The following LRRC37A2 variants were observed in gnomAD, a reference collection of about 807,000 sequenced individuals.
The protein encoded by LRRC37A2 is leucine rich repeat containing 37 member A2, also known as leucine-rich repeat-containing protein 37A2.
A neutral mutation model predicts 68.8 loss-of-function variants in LRRC37A2; 9 were observed. The ratio of observed to expected loss-of-function variants is 0.13; its 90% CI spans 0.08 to 0.23. LRRC37A2 has a LOEUF of 0.23. Among genes scored for constraint, LRRC37A2 ranks in the 10% least tolerant of loss-of-function variants. The pLI is 1.00. For synonymous variants in LRRC37A2, 63 were observed against 367.6 expected (o/e 0.17, Z 9.48); for missense variants, 168 against 950.4 (o/e 0.18, Z 10.82).
chr17:46,891,153 C>A, the LRRC37A2 span, among the ~76,000 whole-genome samples: 1 of 152,160 alleles, frequency 6.6e-6, no homozygotes, highest in Non-Finnish European at 1.5e-5. Context: ...GGGTCCAGAC[C>A]CTGAAATTCT....
the LRRC37A2 span, among the ~76,000 whole-genome samples, chr17:46,765,989 G>C: frequency 1.3e-5 from 2 of 152,216 alleles, no homozygotes; most frequent in Admixed American, 1.3e-4. Context: ...CAGAGAAGGG[G>C]TTCCGGGTAG....
At chr17:46,778,996 T>TC in the LRRC37A2 span, among the ~76,000 whole-genome samples, 1 of 149,930 alleles carries the variant, frequency 6.7e-6, no homozygotes, top group East Asian at 1.9e-4. Flanking sequence ...AGTCTCAGTC[T>TC]CCAAGAAGAG....
At chr17:46,858,799 T>A in the LRRC37A2 span, among the ~76,000 whole-genome samples, 1 of 152,156 alleles carries the variant, frequency 6.6e-6, no homozygotes, top group Admixed American at 6.6e-5. Context: ...CCTGAGTAGC[T>A]GGGGCCACAG....
At chr17:46,759,287 G>A in the LRRC37A2 span, among the ~76,000 whole-genome samples, 96,190 of 152,130 alleles carry the variant, frequency 0.63, 32,806 homozygotes, top group South Asian at 0.82. Flanking sequence ...GCAAAATGAT[G>A]TAGAGTTTCT....
At chr17:46,938,089 C>A in the LRRC37A2 span, 1 of 199,498 alleles carries the variant, frequency 5.0e-6, no homozygotes, top group Non-Finnish European at 1.0e-5. Context: ...TCTCGAAATC[C>A]TGGCCTCAAG....
At chr17:47,011,870 T>G in the LRRC37A2 span, among the ~76,000 whole-genome samples, 1 of 152,176 alleles carries the variant, frequency 6.6e-6, no homozygotes, top group Non-Finnish European at 1.5e-5. Flanking sequence ...GAATCACATC[T>G]TGGGGGCACA....
the LRRC37A2 span, among the ~76,000 whole-genome samples, chr17:46,708,332 TCTC>T: frequency 1.3e-5 from 2 of 152,074 alleles, no homozygotes; most frequent in Non-Finnish European, 2.9e-5. Flanking sequence ...AATTCTGACT[TCTC>T]CACATGCTCA....
the LRRC37A2 span, among the ~76,000 whole-genome samples, chr17:46,725,274 A>G: frequency 6.6e-6 from 1 of 152,228 alleles, no homozygotes; most frequent in Non-Finnish European, 1.5e-5. Context: ...ACTACACATA[A>G]CATGAACAGA....
chr17:46,924,851 T>C, the LRRC37A2 span, among the ~76,000 whole-genome samples: 1 of 152,222 alleles, frequency 6.6e-6, no homozygotes, highest in South Asian at 2.1e-4. Flanking sequence ...CAGGGCACAA[T>C]GGGCATAGTA....
At chr17:46,722,103 C>T in the LRRC37A2 span, 2 of 1,611,570 alleles carry the variant, frequency 1.2e-6, no homozygotes, top group Middle Eastern at 2.3e-4. Flanking sequence ...TGGGAGATGG[C>T]CGGACTCGAA....
the LRRC37A2 span, among the ~76,000 whole-genome samples, chr17:46,980,893 T>C: frequency 1.3e-5 from 2 of 152,088 alleles, no homozygotes; most frequent in Admixed American, 1.3e-4. Flanking sequence ...TACTTCCTAC[T>C]AAATTGCTTT....
the LRRC37A2 span, chr17:46,941,861 C>T: frequency 1.1e-6 from 1 of 896,622 alleles, no homozygotes; most frequent in Non-Finnish European, 1.3e-6. Flanking sequence ...TCTAGGGTTA[C>T]AGGTGTTAGC....
chr17:46,390,333 A>G, the LRRC37A2 span, among the ~76,000 whole-genome samples: 1 of 89,832 alleles, frequency 1.1e-5, no homozygotes, highest in East Asian at 2.3e-4. Flanking sequence ...GGGAGTGCAC[A>G]TTTCACTCCA....
the LRRC37A2 span, among the ~76,000 whole-genome samples, chr17:46,786,156 T>C: frequency 1.4e-5 from 2 of 142,670 alleles, no homozygotes; most frequent in East Asian, 2.2e-4. Context: ...TCAGCCAAAT[T>C]GTGGTCCGGG....
chr17:46,761,320 G>GT, the LRRC37A2 span, among the ~76,000 whole-genome samples: 106 of 148,716 alleles, frequency 7.1e-4, no homozygotes, highest in South Asian at 3.6e-3. Context: ...TATTTTCCTG[G>GT]TTTTTTTTTG....
At chr17:46,843,557 A>C in the LRRC37A2 span, among the ~76,000 whole-genome samples, 1 of 152,024 alleles carries the variant, frequency 6.6e-6, no homozygotes, top group Non-Finnish European at 1.5e-5. Context: ...TTCCTGCCTC[A>C]TTTGGTACTT....
At chr17:46,932,005 G>GC in the LRRC37A2 span, 1 of 1,490,230 alleles carries the variant, frequency 6.7e-7, no homozygotes. Context: ...ACAAAGCCTG[G>GC]CCCCCTCAGA....
chr17:46,785,767 T>C, the LRRC37A2 span, among the ~76,000 whole-genome samples: 28,977 of 151,812 alleles, frequency 0.19, 3,151 homozygotes, highest in Middle Eastern at 0.31. Flanking sequence ...AGACTATACC[T>C]CAGTCAGAGG....
At chr17:46,870,003 A>G in the LRRC37A2 span, among the ~76,000 whole-genome samples, 1 of 152,210 alleles carries the variant, frequency 6.6e-6, no homozygotes, top group African/African-American at 2.4e-5. Context: ...TCTCAAAAAA[A>G]AAAATGTTAT....
Sources: gnomAD v4.1 joint callset for allele counts (sites outside exome capture counted in the v4.1 genomes callset) on GRCh38, gnomAD v4.1.1 for gene constraint, MANE v1.5 for transcripts, NCBI Gene and HGNC (gene_info 2026-07-23, HGNC 2026-07-21) for gene names.